Variants in GNG7 observed in about 807,000 individuals in gnomAD.
GNG7 encodes the protein G protein subunit gamma 7.
GNG7 carries 1 observed loss-of-function variant against 4.0 expected under a neutral mutation model. The ratio of observed to expected loss-of-function variants is 0.25; its 90% CI spans 0.09 to 1.18. The LOEUF is 1.18. Among genes scored for constraint, GNG7 ranks in the 50% most tolerant of loss-of-function variants. GNG7 has a pLI of 0.50. For synonymous variants in GNG7, 34 were observed against 36.9 expected, an observed-to-expected ratio of 0.92 and a Z score of 0.29; for missense variants, 86 against 91.9, an observed-to-expected ratio of 0.94 and a Z score of 0.26.
At chr19:2,571,790 T>G (rs1980157038) in intron 2 of GNG7, among the ~76,000 whole-genome samples, 1 of 151,798 alleles carries the variant, frequency 6.6e-6, no homozygotes, top group African/African-American at 2.4e-5. Flanking sequence ...GAGACGGGGT[T>G]TCACCATGTT....
chr19:2,614,363 A>G lies in GNG7; in HGVS notation c.-78+31861T>C, dbSNP rs1298689084. 1.3e-5 allele frequency among the ~76,000 whole-genome samples: 2 copies of G among 152,206 alleles called. No homozygotes were observed. Among genetic ancestry groups the G allele is most frequent in the Admixed American group, 6.5e-5 (1 of 15,284 alleles). ...GCTCCCTTTCCAGACATCCAGTGGC[A>G]TTCGTGCAGCCATCATCTCTAGCTA... On this transcript the variant is annotated intron_variant, in intron 2 of 4. Coordinates refer to ENST00000382159, the MANE Select transcript of GNG7 (RefSeq NM_052847.3). This position sits in a 1 kb window ranked among gnomAD's most constrained non-coding sequence, Gnocchi z 6.0.
chr19:2,521,965 C>A (rs1353225922), intron 3 of GNG7, among the ~76,000 whole-genome samples: 2 of 152,162 alleles, frequency 1.3e-5, no homozygotes, highest in African/African-American at 2.4e-5. Context: ...TTCTTGAATT[C>A]TCCTGGAAAA....
chr19:2,584,655 G>A (rs868589761), intron 2 of GNG7, among the ~76,000 whole-genome samples: 2 of 102,782 alleles, frequency 1.9e-5, no homozygotes, highest in African/African-American at 3.8e-5. Flanking sequence ...AGGGAGGGAG[G>A]GAAGGAAGGA....
chr19:2,592,379 T>C (rs1288830221), intron 2 of GNG7, among the ~76,000 whole-genome samples: 2 of 151,922 alleles, frequency 1.3e-5, no homozygotes, highest in Non-Finnish European at 2.9e-5. Context: ...TTTCTAGCAA[T>C]GTGGCAGAAA....
chr19:2,624,950 T>C (rs1037898204), intron 2 of GNG7, among the ~76,000 whole-genome samples: 1 of 152,234 alleles, frequency 6.6e-6, no homozygotes, highest in South Asian at 2.1e-4. Context: ...ATCTCCTGGC[T>C]GTCACCTTTC....
intron 1 of GNG7, among the ~76,000 whole-genome samples, chr19:2,656,470 T>G (rs1223402875): frequency 1.3e-5 from 2 of 152,034 alleles, no homozygotes; most frequent in Admixed American, 1.3e-4. Context: ...GGCATGGTGG[T>G]GCACGCCTGT....
intron 1 of GNG7, among the ~76,000 whole-genome samples, chr19:2,693,208 A>C (rs1054900432): frequency 6.6e-6 from 1 of 151,752 alleles, no homozygotes. Context: ...GCTTGAGCCC[A>C]GGAGTTTGAG....
chr19:2,635,145 C>T (rs1982272535), intron 2 of GNG7, among the ~76,000 whole-genome samples: 1 of 152,192 alleles, frequency 6.6e-6, no homozygotes, highest in Non-Finnish European at 1.5e-5. Context: ...CAGGGGCACC[C>T]CCCAGTCGTG....
At chr19:2,696,915 A>C (rs1913280698) in intron 1 of GNG7, among the ~76,000 whole-genome samples, 1 of 152,132 alleles carries the variant, frequency 6.6e-6, no homozygotes, top group African/African-American at 2.4e-5. Context: ...CCCAGGCTGG[A>C]GTGCAGTGCT....
chr19:2,634,838 C>T lies in GNG7; in HGVS notation c.-78+11386G>A, dbSNP rs991129213. Among the ~76,000 whole-genome samples the T allele has an allele frequency of 1.3e-5, 2 of 152,014 alleles. No homozygotes were observed. Among genetic ancestry groups the T allele is most frequent in the African/African-American group, 4.8e-5 (2 of 41,356 alleles). ...CTGGAGTTTGCTTACCACACAAGAGCCCTTCTCAGGATAAGAGGCTCCAGT... is the reference window on the plus strand; with the variant it reads ...CTGGAGTTTGCTTACCACACAAGAGTCCTTCTCAGGATAAGAGGCTCCAGT... On this transcript the variant is annotated intron_variant, in intron 2 of 4. Coordinates refer to ENST00000382159, the MANE Select transcript of GNG7 (RefSeq NM_052847.3). The surrounding 1 kb of genome is among the most constrained non-coding windows in gnomAD (Gnocchi z 5.3).
At chr19:2,540,451 T>C (rs12977761) in intron 3 of GNG7, among the ~76,000 whole-genome samples, 21,116 of 152,200 alleles carry the variant, frequency 0.14, 1,646 homozygotes, top group East Asian at 0.3. Flanking sequence ...ACACTCGGCC[T>C]GTGCTCTAAG....
At chr19:2,538,011 A>G in intron 3 of GNG7, 1 of 392,440 alleles carries the variant, frequency 2.5e-6, no homozygotes, top group Non-Finnish European at 5.1e-6. Flanking sequence ...TGGAAGGCGG[A>G]GGCTGTAGTG....
chr19:2,573,249 C>T (rs901785974), intron 2 of GNG7, among the ~76,000 whole-genome samples: 11 of 151,564 alleles, frequency 7.3e-5, no homozygotes, highest in Admixed American at 1.3e-4. Context: ...TCTCGAACTC[C>T]CAACCTCAGG....
chr19:2,572,670 T>C (rs1980186689), intron 2 of GNG7, among the ~76,000 whole-genome samples: 1 of 150,408 alleles, frequency 6.6e-6, no homozygotes, highest in Non-Finnish European at 1.5e-5. Context: ...CTTATCTCGG[T>C]GAAGCCTTGA....
At chr19:2,620,667 C>T (rs1012584655) in intron 2 of GNG7, among the ~76,000 whole-genome samples, 10 of 152,142 alleles carry the variant, frequency 6.6e-5, no homozygotes, top group Middle Eastern at 3.2e-3. Context: ...GCCGTCAGCA[C>T]CCCCAGCCAA....
intron 4 of GNG7, among the ~76,000 whole-genome samples, chr19:2,520,252 C>T (rs893763076): frequency 1.3e-5 from 2 of 152,188 alleles, no homozygotes; most frequent in Non-Finnish European, 2.9e-5. Flanking sequence ...AGTCTCCTCC[C>T]GCCTGGGACT....
chr19:2,635,799 T>C (rs1327101533), intron 2 of GNG7, among the ~76,000 whole-genome samples: 1 of 152,090 alleles, frequency 6.6e-6, no homozygotes, highest in Non-Finnish European at 1.5e-5. Flanking sequence ...GCCAGGATGG[T>C]CTCGAACTCC....
Position 2,512,956 on chromosome 19 carries a change from T to C in GNG7, c.*2066A>G, listed in dbSNP as rs1972676578. On this transcript the variant is annotated 3_prime_UTR_variant, in exon 5 of 5. Transcript: ENST00000382159. This position sits in a 1 kb window ranked among gnomAD's most constrained non-coding sequence, Gnocchi z 4.7. Reference sequence around the variant, plus strand: ...CCAGCCCAACCACAGGAGGCTGCAGTCTCCGGGAGCCTCTGGGGCTCTCCC... The same window carrying C: ...CCAGCCCAACCACAGGAGGCTGCAGCCTCCGGGAGCCTCTGGGGCTCTCCC... The C allele has an allele frequency of 2.0e-6, 2 of 985,224 alleles. No individual in the cohort carries two copies. Among genetic ancestry groups the C allele is most frequent in the African/African-American group, 3.5e-5 (2 of 57,218 alleles). 61.0% of individuals were successfully genotyped at this position (985,224 alleles called of 1,614,324 possible). A position where few individuals can be genotyped will look rare whatever the true frequency, so the allele number is the denominator to read the frequency against.
chr19:2,701,365 G>A (rs1913396495), intron 1 of GNG7: 1 of 151,334 alleles, frequency 6.6e-6, no homozygotes, highest in Non-Finnish European at 1.5e-5. Context: ...GGTGTCTCCA[G>A]CCTGGGACCT....
Sources: allele counts gnomAD v4.1 joint callset (sites outside exome capture counted in the v4.1 genomes callset), GRCh38; gene constraint gnomAD v4.1.1; non-coding constraint Gnocchi (gnomAD v3.1); transcripts MANE v1.5; gene names NCBI Gene and HGNC (gene_info 2026-07-23, HGNC 2026-07-21).